Variants in MPC2 observed in about 807,000 individuals in gnomAD.
The protein encoded by MPC2 is mitochondrial pyruvate carrier 2.
A neutral mutation model predicts 19.2 loss-of-function variants in MPC2; 19 were observed. That is an observed-to-expected ratio of 0.99 (90% CI 0.69 to 1.45). MPC2 has a LOEUF of 1.45. MPC2 is among the 40% of genes most tolerant of loss of function. MPC2 has a pLI of 0.00. For synonymous variants in MPC2, 61 were observed against 54.3 expected (o/e 1.12, Z -0.54); for missense variants, 122 against 153.0 (o/e 0.80, Z 1.07).
intron 2 of MPC2, 102 bp downstream of exon 2, chr1:167,935,631 T>A: frequency 1.1e-6 from 1 of 887,606 alleles, no homozygotes; most frequent in East Asian, 2.7e-5. Context: ...GGATTGGGGC[T>A]GTGGATGCCT....
intron 2 of MPC2, among the ~76,000 whole-genome samples, chr1:167,930,547 A>C (rs1205504998): frequency 8.5e-5 from 13 of 152,216 alleles, no homozygotes; most frequent in Admixed American, 8.5e-4. Flanking sequence ...TCTGAATGTA[A>C]GAAAAGTCCT....
chr1:167,935,782 C>T lies in MPC2; in HGVS notation c.60G>A (p.Val20=), dbSNP rs185287770. 1.7e-5 allele frequency: 27 copies of T among 1,563,866 alleles called. No individual in the cohort carries two copies. The highest frequency in any genetic ancestry group is 3.8e-5 in the Admixed American group (2 of 52,784). The change falls in exon 2 of 6, where the codon GTG becomes GTA. Residue 20 remains valine (V), a synonymous_variant. Coordinates refer to ENST00000271373, the MANE Select transcript of MPC2 (RefSeq NM_001143674.4). ...TCAATTTCTCGGGCAGCATCAGCTC[C>T]ACTTTATCGAGGAGCCGGTGGTAGG... ...RATYHRLLDK[V]ELMLPEKLRP...
intron 1 of MPC2, chr1:167,936,580 G>A: frequency 3.3e-6 from 1 of 306,162 alleles, no homozygotes; most frequent in Non-Finnish European, 6.2e-6. Context: ...AAGGGTTGGC[G>A]GGGAGGGTAT....
intron 2 of MPC2, among the ~76,000 whole-genome samples, chr1:167,929,899 T>C (rs748413702): frequency 2.0e-4 from 30 of 152,212 alleles, no homozygotes; most frequent in Non-Finnish European, 3.5e-4. Context: ...ATCCCTTTCA[T>C]GCCACTCCTT....
In MPC2 at chr1:167,925,448, T is replaced by TATATATAC. The variant is rs1178168211; in HGVS notation, c.110-912_110-911insGTATATAT. On this transcript the variant is annotated intron_variant, in intron 2 of 5. Transcript: ENST00000271373. ...ATACAGATATACATATACACATATA[T>TATATATAC]ATATATATATATATATATATATATA... is the stretch of plus-strand genomic sequence containing the variant. Among the ~76,000 whole-genome samples, 578 of 103,210 alleles carry TATATATAC rather than the reference T, an allele frequency of 5.6e-3. 7 individuals are homozygous for TATATATAC. Among genetic ancestry groups the TATATATAC allele is most frequent in the Non-Finnish European group, 7.7e-3 (400 of 51,832 alleles). The allele number at this position is 103,210 out of a possible 152,430, so 67.7% of individuals were successfully genotyped here.
Position 167,937,056 on chromosome 1 carries a change from G to C in MPC2, c.-175C>G, listed in dbSNP as rs1028613649. ...AGGCGCTGAGGTCGCCGCCTAGAGT[G>C]GGGGAGGGGGCACGCTGCCGGGTCT... On this transcript the variant is annotated 5_prime_UTR_variant, in exon 1 of 6. Transcript: ENST00000271373. 11 of 1,493,254 alleles carry C rather than the reference G, an allele frequency of 7.4e-6. No homozygotes were observed. Among genetic ancestry groups the C allele is most frequent in the East Asian group, 7.0e-5 (3 of 43,094 alleles). The allele number at this position is 1,493,254 out of a possible 1,614,324, so 92.5% of individuals were successfully genotyped here.
intron 3 of MPC2, among the ~76,000 whole-genome samples, chr1:167,923,905 C>T (rs1281788121): frequency 1.3e-5 from 2 of 152,082 alleles, no homozygotes; most frequent in African/African-American, 2.4e-5. Context: ...AGTTATAGAC[C>T]CAAACTGGCC....
At chr1:167,924,454 G>T in intron 3 of MPC2, 43 bp downstream of exon 3, 2 of 1,531,818 alleles carry the variant, frequency 1.3e-6, no homozygotes, top group South Asian at 1.2e-5. Flanking sequence ...TTCCTATTAA[G>T]GAATTTGTCT....
chr1:167,935,701 G>T, intron 2 of MPC2, 32 bp downstream of exon 2: 1 of 1,525,184 alleles, frequency 6.6e-7, no homozygotes, highest in South Asian at 1.2e-5. Context: ...GAGAAGGAAG[G>T]TCTCGATAAG....
intron 2 of MPC2, among the ~76,000 whole-genome samples, chr1:167,925,309 CT>C (rs1326244624): frequency 2.0e-5 from 3 of 151,402 alleles, no homozygotes; most frequent in African/African-American, 7.3e-5. Flanking sequence ...ACTTGTACCC[CT>C]ATTACCTAAT....
chr1:167,928,264 C>T (rs1283232978), intron 2 of MPC2, among the ~76,000 whole-genome samples: 2 of 148,738 alleles, frequency 1.3e-5, no homozygotes, highest in African/African-American at 5.0e-5. Flanking sequence ...AGGAGAATGG[C>T]GTGAAGCCGG....
intron 2 of MPC2, among the ~76,000 whole-genome samples, chr1:167,926,389 T>C (rs111606479): frequency 0.04 from 6,123 of 152,352 alleles, 177 homozygotes; most frequent in Non-Finnish European, 0.053. Context: ...CCACATCTTT[T>C]TCTCTCTACA....
chr1:167,924,508 T>C lies in MPC2; in HGVS notation c.139A>G (p.Ile47Val), dbSNP rs748372294. The change falls in exon 3 of 6, where the codon ATT becomes GTT. Residue 47 changes from isoleucine (I) to valine (V), a missense_variant. Transcript: ENST00000271373. The part of the protein sequence containing the change: ...GPRTVFFWAP[I>V]MKWGLVCAGL... ...AACTCAAGACTTACCCATTTCATAA[T>C]TGGAGCCCAGAAGAAAACTGTTCTG... The C allele has an allele frequency of 8.2e-6, 13 of 1,589,422 alleles. No individual in the cohort carries two copies. The highest frequency in any genetic ancestry group is 7.3e-5 in the Admixed American group (4 of 54,990).
chr1:167,937,006 T>A lies in MPC2; in HGVS notation c.-125A>T. On this transcript the variant is annotated 5_prime_UTR_variant, in exon 1 of 6. Coordinates refer to ENST00000271373, the MANE Select transcript of MPC2 (RefSeq NM_001143674.4). ...CCGTCCCGGCTGCGGAGTCGCTACC[T>A]GGGTGAGCGGGGGCCCCGGGGCGGA... 6.2e-7 allele frequency: 1 copy of A among 1,608,032 alleles called. No homozygotes were observed. Among genetic ancestry groups the A allele is most frequent in the South Asian group, 1.1e-5 (1 of 89,830 alleles).
intron 2 of MPC2, 27 bp from the exon 3 acceptor site, chr1:167,924,564 C>G: frequency 6.8e-7 from 1 of 1,469,930 alleles, no homozygotes; most frequent in Non-Finnish European, 9.1e-7. Context: ...AAGAAAAATT[C>G]AGGAATAAAC....
intron 2 of MPC2, among the ~76,000 whole-genome samples, chr1:167,926,310 C>T (rs1479472222): frequency 6.6e-6 from 1 of 152,164 alleles, no homozygotes; most frequent in Non-Finnish European, 1.5e-5. Flanking sequence ...TATCTATATT[C>T]AGTTTCTGTT....
intron 3 of MPC2, among the ~76,000 whole-genome samples, chr1:167,921,259 G>A (rs887311577): frequency 1.0e-4 from 15 of 150,430 alleles, no homozygotes; most frequent in African/African-American, 2.9e-4. Context: ...GTCTCACTCT[G>A]TCACCCAGGT....
intron 2 of MPC2, among the ~76,000 whole-genome samples, chr1:167,927,924 G>A (rs538200207): frequency 6.6e-6 from 1 of 152,230 alleles, no homozygotes; most frequent in African/African-American, 2.4e-5. Context: ...GTACTAAACA[G>A]AAAAATAGCA....
intron 2 of MPC2, among the ~76,000 whole-genome samples, chr1:167,930,448 T>A (rs1670875528): frequency 6.6e-6 from 1 of 152,046 alleles, no homozygotes; most frequent in South Asian, 2.1e-4. Flanking sequence ...AAATAAATAA[T>A]CCAACAAGGA....
Sources: gnomAD v4.1 joint callset for allele counts (sites outside exome capture counted in the v4.1 genomes callset) on GRCh38, gnomAD v4.1.1 for gene constraint, MANE v1.5 for transcripts, NCBI Gene and HGNC (gene_info 2026-07-23, HGNC 2026-07-21) for gene names.